ARK2C: variants seen among roughly 807,000 people sequenced by gnomAD.
ARK2C encodes E3 ubiquitin-protein ligase ARK2C.
chr18:46,376,150 T>C, the ARK2C span, among the ~76,000 whole-genome samples: 1 of 152,230 alleles, frequency 6.6e-6, no homozygotes, highest in South Asian at 2.1e-4. Flanking sequence ...CACCTGCTAT[T>C]AGGCCCCTGG....
the ARK2C span, among the ~76,000 whole-genome samples, chr18:46,371,165 A>AC: frequency 6.6e-6 from 1 of 152,164 alleles, no homozygotes; most frequent in African/African-American, 2.4e-5. Context: ...CATCATGAGA[A>AC]CAGTACAGGG....
chr18:46,429,312 A>T, the ARK2C span, among the ~76,000 whole-genome samples: 1 of 152,224 alleles, frequency 6.6e-6, no homozygotes, highest in African/African-American at 2.4e-5. Context: ...CTAGCATAAG[A>T]CACATTGAGC....
chr18:46,437,794 G>T, the ARK2C span, among the ~76,000 whole-genome samples: 3 of 152,194 alleles, frequency 2.0e-5, no homozygotes, highest in Non-Finnish European at 2.9e-5. Context: ...TGGCTTCTCA[G>T]TTCTAACTCT....
chr18:46,359,707 C>T, the ARK2C span, among the ~76,000 whole-genome samples: 1 of 152,194 alleles, frequency 6.6e-6, no homozygotes, highest in South Asian at 2.1e-4. Flanking sequence ...TGTGGTGCCC[C>T]TCAGTGGCAA....
the ARK2C span, among the ~76,000 whole-genome samples, chr18:46,362,379 T>A: frequency 6.6e-6 from 1 of 152,218 alleles, no homozygotes; most frequent in East Asian, 1.9e-4. Flanking sequence ...TAACAGACTT[T>A]TAATAAGATG....
At chr18:46,391,643 T>C in the ARK2C span, among the ~76,000 whole-genome samples, 3 of 151,772 alleles carry the variant, frequency 2.0e-5, no homozygotes, top group Non-Finnish European at 4.4e-5. Context: ...CTTGGTTTGG[T>C]GACATATTAA....
chr18:46,336,682 A>G, the ARK2C span: 4 of 985,244 alleles, frequency 4.1e-6, no homozygotes, highest in Non-Finnish European at 4.8e-6. Context: ...TAGAGAAATA[A>G]CCATTTTTGT....
the ARK2C span, among the ~76,000 whole-genome samples, chr18:46,377,443 G>A: frequency 6.6e-6 from 1 of 152,302 alleles, no homozygotes; most frequent in Non-Finnish European, 1.5e-5. Context: ...GCTCTGTGTG[G>A]AGCATCCCGA....
At chr18:46,412,036 G>A in the ARK2C span, among the ~76,000 whole-genome samples, 3 of 152,208 alleles carry the variant, frequency 2.0e-5, no homozygotes, top group Non-Finnish European at 2.9e-5. Context: ...AGAGGTATTC[G>A]AGTCAGTTGG....
the ARK2C span, among the ~76,000 whole-genome samples, chr18:46,359,508 C>T: frequency 6.6e-6 from 1 of 152,148 alleles, no homozygotes; most frequent in Non-Finnish European, 1.5e-5. Context: ...CATGGCTTGT[C>T]CTGGGAATAG....
the ARK2C span, among the ~76,000 whole-genome samples, chr18:46,437,575 T>C: frequency 6.6e-6 from 1 of 151,996 alleles, no homozygotes; most frequent in East Asian, 1.9e-4. Context: ...CCCCTGAGGT[T>C]ACCCTGGCCT....
the ARK2C span, among the ~76,000 whole-genome samples, chr18:46,375,447 A>T: frequency 1.3e-5 from 2 of 151,992 alleles, no homozygotes; most frequent in African/African-American, 4.8e-5. Context: ...CTAGCTACTC[A>T]GGAGGCTGAG....
chr18:46,388,494 C>G, the ARK2C span, among the ~76,000 whole-genome samples: 1 of 152,148 alleles, frequency 6.6e-6, no homozygotes, highest in Admixed American at 6.6e-5. Context: ...AGCAGGAGAT[C>G]GGGCAGCAAG....
the ARK2C span, among the ~76,000 whole-genome samples, chr18:46,420,152 A>C: frequency 0.012 from 1,872 of 152,280 alleles, 33 homozygotes; most frequent in African/African-American, 0.043. Flanking sequence ...TGCTGTCTGA[A>C]ATCCCACCAT....
the ARK2C span, chr18:46,334,671 CGTGTGTGTGTGTGTGTGTGT>C: frequency 3.0e-5 from 9 of 304,720 alleles, no homozygotes; most frequent in African/African-American, 1.3e-4. The surrounding 1 kb of genome is among the most constrained non-coding windows in gnomAD (Gnocchi z 4.4). Context: ...GATACATGAC[CGTGTGTGTGTGTGTGTGTGT>C]GTGTGTGTGT....
the ARK2C span, among the ~76,000 whole-genome samples, chr18:46,337,932 G>C: frequency 6.6e-6 from 1 of 152,064 alleles, no homozygotes; most frequent in East Asian, 1.9e-4. Flanking sequence ...CACCTGCCTA[G>C]AGAGAACCCC....
chr18:46,456,641 G>T, the ARK2C span: 1 of 1,598,426 alleles, frequency 6.3e-7, no homozygotes, highest in Non-Finnish European at 8.6e-7. Context: ...AGCTGAGGGA[G>T]GAATTAGCCA....
chr18:46,445,644 G>A, the ARK2C span, among the ~76,000 whole-genome samples: 83 of 152,248 alleles, frequency 5.5e-4, 1 homozygote, highest in African/African-American at 1.9e-3. Flanking sequence ...CATTAAGATC[G>A]TCATGCTCTG....
the ARK2C span, among the ~76,000 whole-genome samples, chr18:46,449,701 C>G: frequency 6.6e-6 from 1 of 152,224 alleles, no homozygotes; most frequent in African/African-American, 2.4e-5. Flanking sequence ...GCTTGGCACT[C>G]ATTCTCTCTC....
Sources: allele counts gnomAD v4.1 joint callset (sites outside exome capture counted in the v4.1 genomes callset), GRCh38; gene constraint gnomAD v4.1.1; non-coding constraint Gnocchi (gnomAD v3.1); transcripts MANE v1.5; gene names NCBI Gene and HGNC (gene_info 2026-07-23, HGNC 2026-07-21).